PASD1: variants seen among roughly 807,000 people sequenced by gnomAD.
PASD1 encodes circadian clock protein PASD1.
Under a neutral mutation model 58.8 loss-of-function variants are expected in PASD1, and 13 were observed. The observed-to-expected ratio is 0.22, with a 90% CI of 0.14 to 0.35. The LOEUF (loss-of-function observed/expected upper bound fraction) is 0.35. PASD1 is among the 10% of genes least tolerant of loss of function. The pLI, the probability that PASD1 is intolerant of heterozygous loss-of-function variation, is 1.00. For synonymous variants in PASD1, 236 were observed against 216.7 expected, an observed-to-expected ratio of 1.09 and a Z score of -0.78; for missense variants, 734 against 568.3, an observed-to-expected ratio of 1.29 and a Z score of -2.96.
intron 9 of PASD1, among the ~76,000 whole-genome samples, 169 bp from the exon 10 acceptor site, chrX:151,659,544 A>G (rs1397500857): frequency 8.9e-6 from 1 of 112,093 alleles, no homozygotes; most frequent in Non-Finnish European, 1.9e-5. Context: ...TCTTCCAGCA[A>G]TATTTTTAAG....
chrX:151,592,409 C>G (rs1406208296), intron 1 of PASD1, among the ~76,000 whole-genome samples: 1 of 111,517 alleles, frequency 9.0e-6, no homozygotes, highest in Non-Finnish European at 1.9e-5. Context: ...AGTTTCCTTT[C>G]TATATGAAGG....
rs2013404487 is a variant in PASD1 at position 151,600,761 on chromosome X, AG to A, written c.-27-764del. 2.7e-5 allele frequency among the ~76,000 whole-genome samples: 3 copies of A among 111,626 alleles called. No homozygotes were observed. In the Admixed American group the frequency reaches 2.8e-4, roughly 11 times the overall value. On this transcript the variant is annotated intron_variant, in intron 1 of 15. Coordinates refer to ENST00000370357, the MANE Select transcript of PASD1 (RefSeq NM_173493.3). ...GATTTTTAGTTTCACTTCCCTGTTC[AG>A]GTTATTTTTTATCTAGGAGAGCATT... is the stretch of plus-strand genomic sequence containing the variant.
chrX:151,566,062 G>A (rs1297516494), intron 1 of PASD1, among the ~76,000 whole-genome samples: 1 of 112,057 alleles, frequency 8.9e-6, no homozygotes, highest in Non-Finnish European at 1.9e-5. Context: ...TAAAAGTGTA[G>A]TTTAACTCTC....
At chrX:151,592,791 C>G (rs1204579543) in intron 1 of PASD1, among the ~76,000 whole-genome samples, 2 of 111,473 alleles carry the variant, frequency 1.8e-5, no homozygotes, top group Non-Finnish European at 3.8e-5. Flanking sequence ...GATGTTGAAT[C>G]TTATTGAATG....
intron 8 of PASD1, among the ~76,000 whole-genome samples, chrX:151,643,610 A>G (rs2014023132): frequency 9.0e-6 from 1 of 111,729 alleles, no homozygotes; most frequent in Non-Finnish European, 1.9e-5. Context: ...GTAAAAATAA[A>G]CAAATTAGGG....
intron 2 of PASD1, among the ~76,000 whole-genome samples, chrX:151,603,084 C>T (rs954930811): frequency 1.8e-5 from 2 of 112,539 alleles, no homozygotes; most frequent in Admixed American, 9.4e-5. Context: ...ATACCTGAAA[C>T]TGTCTGTTCT....
intron 3 of PASD1, among the ~76,000 whole-genome samples, chrX:151,611,260 G>A (rs1399314484): frequency 8.9e-6 from 1 of 111,822 alleles, no homozygotes; most frequent in African/African-American, 3.2e-5. Context: ...GGAAAGTGAT[G>A]GCAATATCCA....
chrX:151,659,271 A>T (rs1455787932), intron 9 of PASD1, among the ~76,000 whole-genome samples: 1 of 112,024 alleles, frequency 8.9e-6, no homozygotes, highest in Non-Finnish European at 1.9e-5. Context: ...GTGGTGGTGC[A>T]GGTCTCCCAC....
intron 15 of PASD1, 40 bp downstream of exon 15, chrX:151,674,226 A>G (rs1257001046): frequency 2.5e-6 from 3 of 1,199,862 alleles, no homozygotes; most frequent in Non-Finnish European, 3.4e-6. Flanking sequence ...AGCGCAGGTC[A>G]AGAGGGATTC....
intron 1 of PASD1, among the ~76,000 whole-genome samples, chrX:151,586,654 A>C (rs758488005): frequency 1.8e-5 from 2 of 111,232 alleles, no homozygotes; most frequent in South Asian, 3.8e-4. Context: ...CAAGGCCCCA[A>C]CCTCTCCCAG....
intron 1 of PASD1, among the ~76,000 whole-genome samples, chrX:151,575,625 G>GA (rs2012992750): frequency 9.0e-6 from 1 of 110,509 alleles, no homozygotes; most frequent in Admixed American, 9.6e-5. Flanking sequence ...TGTAAGTGGG[G>GA]AAAATCTAAG....
intron 1 of PASD1, among the ~76,000 whole-genome samples, chrX:151,567,697 A>T (rs1466520910): frequency 1.8e-5 from 2 of 111,577 alleles, no homozygotes; most frequent in Non-Finnish European, 3.8e-5. Flanking sequence ...AAAAGACGAG[A>T]TCTAAGCAAT....
intron 1 of PASD1, among the ~76,000 whole-genome samples, chrX:151,597,191 T>A (rs1746623255): frequency 8.9e-6 from 1 of 112,162 alleles, no homozygotes; most frequent in African/African-American, 3.2e-5. Flanking sequence ...GGGTAATTTC[T>A]CTTTTTATGT....
At chrX:151,608,791 C>G (rs1813672950) in intron 3 of PASD1, among the ~76,000 whole-genome samples, 1 of 111,129 alleles carries the variant, frequency 9.0e-6, no homozygotes, top group African/African-American at 3.3e-5. Context: ...TACTTCTTCC[C>G]AAGTCACTTT....
At chrX:151,597,018 T>C (rs1243290856) in intron 1 of PASD1, among the ~76,000 whole-genome samples, 2 of 112,508 alleles carry the variant, frequency 1.8e-5, no homozygotes, top group African/African-American at 6.5e-5. Context: ...CTGATATTTC[T>C]GGATTAACTC....
At position 151,676,285 on chromosome X, in the gene PASD1, G is replaced by C. The variant is rs111805127; in HGVS notation, c.*142G>C. 1.6e-5 allele frequency: 10 copies of C among 608,589 alleles called. No homozygotes were observed. The highest frequency in any genetic ancestry group is 6.8e-5 in the African/African-American group (3 of 43,832). The allele number at this position is 608,589 out of a possible 1,213,427, so 50.2% of individuals were successfully genotyped here. On this transcript the variant is annotated 3_prime_UTR_variant, in exon 16 of 16. Transcript: ENST00000370357. ...TAGAGACTTATTTGTTTCCTGATAG[G>C]TTATGTTTGTAATTGTTTGTTAAGC... is the stretch of plus-strand genomic sequence containing the variant.
chrX:151,620,116 T>C (rs754904838), intron 4 of PASD1, among the ~76,000 whole-genome samples: 2 of 112,286 alleles, frequency 1.8e-5, no homozygotes, highest in South Asian at 7.4e-4. Context: ...TTTGTACATA[T>C]GTATGGCGTA....
intron 1 of PASD1, among the ~76,000 whole-genome samples, chrX:151,582,799 A>G (rs2013116351): frequency 1.1e-5 from 1 of 90,766 alleles, no homozygotes; most frequent in Non-Finnish European, 2.2e-5. Context: ...AGCTCTTAAC[A>G]TGATGGAAAC....
At chrX:151,574,030 A>G (rs1413949616) in intron 1 of PASD1, among the ~76,000 whole-genome samples, 2 of 112,338 alleles carry the variant, frequency 1.8e-5, no homozygotes, top group Non-Finnish European at 3.8e-5. Context: ...ACCAAACCAA[A>G]CTCAAACCTG....
Sources: gnomAD v4.1 joint callset for allele counts (sites outside exome capture counted in the v4.1 genomes callset) on GRCh38, gnomAD v4.1.1 for gene constraint, MANE v1.5 for transcripts, NCBI Gene and HGNC (gene_info 2026-07-23, HGNC 2026-07-21) for gene names.